CTNNA2: variants seen among roughly 807,000 people sequenced by gnomAD.
CTNNA2 encodes the protein catenin alpha 2.
CTNNA2 carries 42 observed loss-of-function variants against 101.0 expected under a neutral mutation model. That is an observed-to-expected ratio of 0.42 (90% CI 0.32 to 0.54). The LOEUF (loss-of-function observed/expected upper bound fraction) is 0.54, where lower values mean the gene tolerates loss of function less well. Among genes scored for constraint, CTNNA2 ranks in the 20% least tolerant of loss-of-function variants. CTNNA2 has a pLI of 0.14. For missense variants in CTNNA2, 871 were observed against 1,223.1 expected, an observed-to-expected ratio of 0.71 and a Z score of 4.29; for synonymous variants, 450 against 456.4, an observed-to-expected ratio of 0.99 and a Z score of 0.18.
chr2:79,466,716 C>G (rs1044600658), intron 4 of CTNNA2, among the ~76,000 whole-genome samples: 1 of 152,216 alleles, frequency 6.6e-6, no homozygotes, highest in African/African-American at 2.4e-5. Flanking sequence ...ATTTGCTGTT[C>G]AGCAATATTC....
intron 2 of CTNNA2, among the ~76,000 whole-genome samples, chr2:79,200,058 C>T (rs1191911772): frequency 6.6e-6 from 1 of 152,090 alleles, no homozygotes; most frequent in Non-Finnish European, 1.5e-5. Flanking sequence ...AGAGACCACT[C>T]TCTAGTCTTT....
intron 1 of CTNNA2, among the ~76,000 whole-genome samples, chr2:79,577,583 C>T (rs62140063): frequency 0.076 from 11,532 of 151,906 alleles, 492 homozygotes; most frequent in Non-Finnish European, 0.096. Flanking sequence ...GAGAATTACC[C>T]CTATCCATTC....
intron 4 of CTNNA2, among the ~76,000 whole-genome samples, chr2:79,860,713 T>C (rs768390140): frequency 6.6e-6 from 1 of 152,072 alleles, no homozygotes; most frequent in Admixed American, 6.5e-5. Flanking sequence ...ACAGCTGTGG[T>C]GGAATGTTGC....
chr2:80,249,555 C>A (rs1252655191), intron 7 of CTNNA2, among the ~76,000 whole-genome samples: 1 of 152,180 alleles, frequency 6.6e-6, no homozygotes, highest in Non-Finnish European at 1.5e-5. Flanking sequence ...TCTTCACCAA[C>A]AAACTACTAT....
At chr2:80,306,391 TTTCTTTTC>T (rs1393118934) in intron 7 of CTNNA2, among the ~76,000 whole-genome samples, 1 of 132,522 alleles carries the variant, frequency 7.5e-6, no homozygotes, top group Non-Finnish European at 1.5e-5. Context: ...TTTCTTTTCT[TTTCTTTTC>T]TTTTCTTTCT....
intron 4 of CTNNA2, among the ~76,000 whole-genome samples, chr2:79,408,689 C>A (rs1490991511): frequency 3.3e-5 from 5 of 151,972 alleles, no homozygotes; most frequent in Admixed American, 6.6e-5. Flanking sequence ...TTTCTTAATC[C>A]AGTCTATCAC....
chr2:80,246,073 C>T (rs143188143), intron 7 of CTNNA2, among the ~76,000 whole-genome samples: 4 of 151,954 alleles, frequency 2.6e-5, no homozygotes, highest in African/African-American at 9.7e-5. Flanking sequence ...GGATTATAGG[C>T]GAGATCCACC....
intron 7 of CTNNA2, among the ~76,000 whole-genome samples, chr2:80,177,912 A>G (rs1008802748): frequency 5.9e-5 from 9 of 152,196 alleles, no homozygotes; most frequent in Non-Finnish European, 1.3e-4. Context: ...ACAAGGTGCA[A>G]TGCTCAAAGT....
chr2:80,630,308 C>T (rs753126064), intron 18 of CTNNA2, among the ~76,000 whole-genome samples: 1 of 152,022 alleles, frequency 6.6e-6, no homozygotes, highest in Non-Finnish European at 1.5e-5. Flanking sequence ...TTTAGAAAAC[C>T]TTTTCATATG....
chr2:80,587,223 T>G (rs572189600), intron 14 of CTNNA2, among the ~76,000 whole-genome samples: 2 of 152,148 alleles, frequency 1.3e-5, no homozygotes, highest in African/African-American at 4.8e-5. Context: ...TTAAGTAGAT[T>G]GTTATTTGAC....
At position 79,194,572 on chromosome 2, in the gene CTNNA2, A is replaced by C. The variant is rs563384127; in HGVS notation, c.-523-3387A>C. ...ATTAAAAATGTTTAGTTCCCAGAGC[A>C]AACTTGTAGCCACAGTAATATGATG... On this transcript the variant is annotated intron_variant, in intron 1 of 21. Transcript: ENST00000466387. 1.2e-4 allele frequency among the ~76,000 whole-genome samples: 18 copies of C among 152,328 alleles called. No homozygotes were observed. In the East Asian group the frequency reaches 3.5e-3, roughly 29 times the overall value.
chr2:80,335,443 C>G (rs1168306836), intron 7 of CTNNA2, among the ~76,000 whole-genome samples: 1 of 152,132 alleles, frequency 6.6e-6, no homozygotes, highest in Non-Finnish European at 1.5e-5. Flanking sequence ...TAGGTAGCTT[C>G]CACTCTGCCT....
intron 2 of CTNNA2, among the ~76,000 whole-genome samples, chr2:79,272,971 A>G (rs980111989): frequency 1.3e-5 from 2 of 152,066 alleles, no homozygotes; most frequent in African/African-American, 4.8e-5. Flanking sequence ...GGTGGTAGTT[A>G]TTAACTTAAT....
intron 3 of CTNNA2, among the ~76,000 whole-genome samples, chr2:79,762,008 T>G (rs1184456259): frequency 2.1e-4 from 32 of 152,174 alleles, no homozygotes; most frequent in Non-Finnish European, 2.9e-5. Context: ...AGAGCCCCAT[T>G]GTATTCTGTT....
chr2:79,225,846 T>C (rs35539400), intron 2 of CTNNA2, among the ~76,000 whole-genome samples: 33 of 152,348 alleles, frequency 2.2e-4, no homozygotes, highest in Admixed American at 3.9e-4. Context: ...AAGGCTTTTA[T>C]TGAATAAGCC....
chr2:79,329,111 C>T (rs1676813601), intron 3 of CTNNA2, among the ~76,000 whole-genome samples: 1 of 152,132 alleles, frequency 6.6e-6, no homozygotes, highest in Non-Finnish European at 1.5e-5. Context: ...GACCCTATTT[C>T]CAAATAAGGT....
chr2:79,540,324 A>G (rs934682630), intron 1 of CTNNA2, among the ~76,000 whole-genome samples: 2 of 152,212 alleles, frequency 1.3e-5, no homozygotes, highest in East Asian at 1.9e-4. Context: ...TGTAAAATGC[A>G]TATAACAATA....
In CTNNA2 at chr2:79,504,610, C is replaced by T. The variant is rs1031256374; in HGVS notation, c.-134-444C>T. Among the ~76,000 whole-genome samples the T allele has an allele frequency of 3.3e-5, 5 of 152,064 alleles. No individual in the cohort carries two copies. The South Asian group carries it at 6.2e-4, about 19-fold the overall frequency. On this transcript the variant is annotated intron_variant, in intron 4 of 21. Transcript: ENST00000466387. ...CGACCTACAATTTAATCTTTAATGA[C>T]GGAGTATCTGGATGGACTTGTGACT...
chr2:80,101,675 T>G (rs1700554542), intron 7 of CTNNA2, among the ~76,000 whole-genome samples: 1 of 152,340 alleles, frequency 6.6e-6, no homozygotes, highest in East Asian at 1.9e-4. Context: ...ATCTGTCCTC[T>G]GCAGCAGAGG....
Sources: gnomAD v4.1 joint callset for allele counts (sites outside exome capture counted in the v4.1 genomes callset) on GRCh38, gnomAD v4.1.1 for gene constraint, MANE v1.5 for transcripts, NCBI Gene and HGNC (gene_info 2026-07-23, HGNC 2026-07-21) for gene names.